The following COTL1 variants were observed in gnomAD, a reference collection of about 807,000 sequenced individuals.
The protein encoded by COTL1 is coactosin-like protein.
A neutral mutation model predicts 16.5 loss-of-function variants in COTL1; 15 were observed. That is an observed-to-expected ratio of 0.91 (90% CI 0.61 to 1.40). COTL1 has a LOEUF of 1.40. Among genes scored for constraint, COTL1 ranks in the 40% most tolerant of loss-of-function variants. The probability of loss-of-function intolerance (pLI) is 0.00; values close to 1 mark genes in which losing one functional copy is unlikely to be tolerated. For missense variants in COTL1, 220 were observed against 201.5 expected (o/e 1.09, Z -0.56); for synonymous variants, 112 against 85.3 (o/e 1.31, Z -1.73).
At chr16:84,576,873 A>G (rs1156570363) in intron 3 of COTL1, 1 of 152,242 alleles carries the variant, frequency 6.6e-6, no homozygotes, top group African/African-American at 2.4e-5. Context: ...GGGGACTAGA[A>G]TCTCCCCTCC....
intron 2 of COTL1, among the ~76,000 whole-genome samples, chr16:84,610,901 C>G (rs567739692): frequency 2.0e-5 from 3 of 152,100 alleles, no homozygotes; most frequent in Non-Finnish European, 4.4e-5. Context: ...CATGAAGAAG[C>G]CTTTTCTGGT....
At chr16:84,605,528 T>G (rs1023516484) in intron 2 of COTL1, among the ~76,000 whole-genome samples, 2 of 152,172 alleles carry the variant, frequency 1.3e-5, no homozygotes, top group South Asian at 2.1e-4. Flanking sequence ...TCCTGGGTTA[T>G]CTGGGTGACA....
intron 3 of COTL1, 120 bp from the exon 4 acceptor site, chr16:84,567,075 G>T: frequency 1.5e-6 from 1 of 659,534 alleles, no homozygotes; most frequent in Non-Finnish European, 2.7e-6. Flanking sequence ...GATGGAAATG[G>T]AAATTCAGCA....
intron 2 of COTL1, among the ~76,000 whole-genome samples, chr16:84,609,291 G>C (rs541412938): frequency 1.1e-4 from 16 of 152,262 alleles, no homozygotes; most frequent in Non-Finnish European, 2.1e-4. Context: ...CTATACTCCA[G>C]TTTTCCGTAG....
At chr16:84,614,346 G>T (rs1433985185) in intron 2 of COTL1, among the ~76,000 whole-genome samples, 1 of 152,168 alleles carries the variant, frequency 6.6e-6, no homozygotes, top group African/African-American at 2.4e-5. Flanking sequence ...GAGGATGAGT[G>T]CGGGGGTGGG....
intron 2 of COTL1, among the ~76,000 whole-genome samples, chr16:84,613,392 G>T (rs946855745): frequency 1.3e-5 from 2 of 152,200 alleles, no homozygotes; most frequent in African/African-American, 2.4e-5. Context: ...AATGAGTTGA[G>T]ATGGGGAAGA....
chr16:84,608,986 C>T (rs539360209), intron 2 of COTL1, among the ~76,000 whole-genome samples: 20 of 152,188 alleles, frequency 1.3e-4, no homozygotes, highest in Non-Finnish European at 2.2e-4. Flanking sequence ...CATGCATTAA[C>T]GGACAGACTG....
intron 2 of COTL1, among the ~76,000 whole-genome samples, chr16:84,617,214 T>C (rs765720086): frequency 2.6e-5 from 4 of 151,900 alleles, no homozygotes; most frequent in Non-Finnish European, 4.4e-5. Context: ...AACACAGGAG[T>C]TGACCTTAGA....
At chr16:84,574,393 G>A (rs949575956) in intron 3 of COTL1, among the ~76,000 whole-genome samples, 1 of 152,176 alleles carries the variant, frequency 6.6e-6, no homozygotes, top group Admixed American at 6.5e-5. Flanking sequence ...CGTCACCTGT[G>A]GCTGAAGAAA....
chr16:84,573,228 G>A (rs932912705), intron 3 of COTL1, among the ~76,000 whole-genome samples: 1 of 152,202 alleles, frequency 6.6e-6, no homozygotes, highest in Non-Finnish European at 1.5e-5. Flanking sequence ...TTTGAACCCA[G>A]CCTTAGAAAC....
chr16:84,566,498 C>T lies in COTL1; in HGVS notation c.*347G>A, dbSNP rs1422977545. 8 of 203,256 alleles carry T rather than the reference C, an allele frequency of 3.9e-5. No individual in the cohort carries two copies. The highest frequency in any genetic ancestry group is 6.0e-5 in the Non-Finnish European group (6 of 100,024). 12.6% of individuals were successfully genotyped at this position (203,256 alleles called of 1,614,324 possible). A position where few individuals can be genotyped will look rare whatever the true frequency, so the allele number is the denominator to read the frequency against. ...GCAGATCTCACTAGGCAGACCTCGT[C>T]GCGTGGAAGAGAAATGCCAGGAAAA... On this transcript the variant is annotated 3_prime_UTR_variant, in exon 4 of 4. Coordinates refer to ENST00000262428, the MANE Select transcript of COTL1 (RefSeq NM_021149.5).
At chr16:84,603,409 A>G (rs1905142422) in intron 2 of COTL1, among the ~76,000 whole-genome samples, 1 of 152,156 alleles carries the variant, frequency 6.6e-6, no homozygotes. Context: ...GGCCGTGGGT[A>G]CAACACGGCG....
intron 2 of COTL1, among the ~76,000 whole-genome samples, chr16:84,591,935 G>A (rs1466411193): frequency 6.6e-6 from 1 of 152,120 alleles, no homozygotes; most frequent in Non-Finnish European, 1.5e-5. Context: ...GTGCATGCGG[G>A]TGCATGTGTA....
At chr16:84,573,005 C>T (rs1236829092) in intron 3 of COTL1, among the ~76,000 whole-genome samples, 5 of 152,016 alleles carry the variant, frequency 3.3e-5, no homozygotes, top group Non-Finnish European at 5.9e-5. Flanking sequence ...CCACTGACCT[C>T]GGCCTCCCAA....
chr16:84,573,111 A>G (rs960238895), intron 3 of COTL1, among the ~76,000 whole-genome samples: 2 of 152,234 alleles, frequency 1.3e-5, no homozygotes, highest in African/African-American at 4.8e-5. Flanking sequence ...AACCAGTGCC[A>G]TTTATTTTAA....
chr16:84,573,705 A>G (rs1335309096), intron 3 of COTL1, among the ~76,000 whole-genome samples: 1 of 150,340 alleles, frequency 6.7e-6, no homozygotes, highest in Non-Finnish European at 1.5e-5. Context: ...GCACCATTGC[A>G]CTCCAGCCTG....
chr16:84,616,202 T>C (rs1905477401), intron 2 of COTL1: 1 of 152,252 alleles, frequency 6.6e-6, no homozygotes, highest in South Asian at 2.1e-4. Flanking sequence ...CGTTCAGGGA[T>C]TCGAACCCAC....
intron 2 of COTL1, among the ~76,000 whole-genome samples, chr16:84,601,121 A>T (rs983098449): frequency 3.3e-5 from 5 of 152,136 alleles, no homozygotes; most frequent in African/African-American, 1.2e-4. Flanking sequence ...CTGGCTCCCA[A>T]TCACTGAACA....
At position 84,590,230 on chromosome 16, in the gene COTL1, TG is replaced by T. The variant is rs1209492219; in HGVS notation, c.192del (p.Phe64LeufsTer7). 1 of 1,614,092 alleles carries T rather than the reference TG, an allele frequency of 6.2e-7. No individual in the cohort carries two copies. The highest frequency in any genetic ancestry group is 1.3e-5 in the African/African-American group (1 of 75,028). On this transcript the variant is annotated frameshift_variant, in exon 3 of 4. Transcript: ENST00000262428. LOFTEE classifies it high-confidence loss of function. The surrounding 1 kb of genome is among the most constrained non-coding windows in gnomAD (Gnocchi z 5.5). ...CTCTTGCTCATGGCATCCCCGGTGG[TG>T]AAGCGCACGAAGGCAAACAACCGGA... ...DDVRLFAFVR[F>X]TTGDAMSKRS...
Sources: allele counts gnomAD v4.1 joint callset (sites outside exome capture counted in the v4.1 genomes callset), GRCh38; gene constraint gnomAD v4.1.1; non-coding constraint Gnocchi (gnomAD v3.1); transcripts MANE v1.5; gene names NCBI Gene and HGNC (gene_info 2026-07-23, HGNC 2026-07-21).